IMMP2L: variants seen among roughly 807,000 people sequenced by gnomAD.
IMMP2L encodes the protein mitochondrial inner membrane protease subunit 2.
In IMMP2L, 18 loss-of-function variants were observed where a neutral mutation model predicts 19.3. The ratio of observed to expected loss-of-function variants is 0.93; its 90% confidence interval spans 0.64 to 1.38. IMMP2L has a LOEUF of 1.38. Among genes scored for constraint, IMMP2L ranks in the 40% most tolerant of loss-of-function variants. The pLI is 0.00. For synonymous variants in IMMP2L, 76 were observed against 73.0 expected, an observed-to-expected ratio of 1.04 and a Z score of -0.21; for missense variants, 233 against 218.2, an observed-to-expected ratio of 1.07 and a Z score of -0.43.
chr7:111,560,458 A>G (rs1249415110), intron 1 of IMMP2L, among the ~76,000 whole-genome samples: 1 of 152,200 alleles, frequency 6.6e-6, no homozygotes, highest in Non-Finnish European at 1.5e-5. Context: ...TCTAATTATT[A>G]TACTCGTACA....
At chr7:111,087,456 G>GAAAAAAAA (rs76131476) in intron 3 of IMMP2L, among the ~76,000 whole-genome samples, 3 of 77,976 alleles carry the variant, frequency 3.8e-5, no homozygotes, top group African/African-American at 4.4e-5. Flanking sequence ...CTTAAAAAAA[G>GAAAAAAAA]AAAAAAAAAA....
chr7:111,443,040 G>C (rs2131810258), intron 3 of IMMP2L, among the ~76,000 whole-genome samples: 1 of 151,974 alleles, frequency 6.6e-6, no homozygotes, highest in South Asian at 2.1e-4. Flanking sequence ...TTTTTCATTT[G>C]AGTTTTTCTT....
At chr7:111,328,938 C>T (rs113951433) in intron 3 of IMMP2L, among the ~76,000 whole-genome samples, 2 of 151,428 alleles carry the variant, frequency 1.3e-5, no homozygotes, top group African/African-American at 4.8e-5. Context: ...CCATTAATAA[C>T]ACAGAGAAAA....
chr7:111,081,695 G>T (rs541639864), intron 3 of IMMP2L, among the ~76,000 whole-genome samples: 1 of 152,278 alleles, frequency 6.6e-6, no homozygotes, highest in East Asian at 1.9e-4. Context: ...TCTCTCGTTT[G>T]CTGAAAGGAT....
intron 4 of IMMP2L, among the ~76,000 whole-genome samples, chr7:110,944,472 C>CGTGT (rs994968401): frequency 6.6e-6 from 1 of 151,016 alleles, no homozygotes; most frequent in African/African-American, 2.4e-5. Context: ...TGCGCGCGCA[C>CGTGT]GTGTGTGTGT....
intron 2 of IMMP2L, among the ~76,000 whole-genome samples, chr7:111,508,677 A>T (rs909124666): frequency 1.3e-5 from 2 of 152,138 alleles, no homozygotes; most frequent in East Asian, 3.9e-4. Context: ...AGTATGCAAA[A>T]AATGTTAAAG....
chr7:110,794,419 C>G (rs1012797250), intron 5 of IMMP2L, among the ~76,000 whole-genome samples: 1 of 151,998 alleles, frequency 6.6e-6, no homozygotes, highest in Admixed American at 6.6e-5. Flanking sequence ...CTGTATGATT[C>G]CAACTATATG....
At chr7:111,187,572 T>C (rs957939683) in intron 3 of IMMP2L, among the ~76,000 whole-genome samples, 1 of 152,180 alleles carries the variant, frequency 6.6e-6, no homozygotes. Context: ...CAGAATACTA[T>C]GCTTAGCACA....
chr7:111,268,866 T>C (rs1818138874), intron 3 of IMMP2L, among the ~76,000 whole-genome samples: 1 of 151,986 alleles, frequency 6.6e-6, no homozygotes, highest in South Asian at 2.1e-4. Flanking sequence ...TTCCAATACC[T>C]GGGATTACAG....
At chr7:111,180,809 T>C (rs369886075) in intron 3 of IMMP2L, among the ~76,000 whole-genome samples, 7 of 152,074 alleles carry the variant, frequency 4.6e-5, no homozygotes, top group Admixed American at 4.6e-4. Context: ...TTATGGAATA[T>C]GTGTTTCATT....
chr7:111,487,360 G>A lies in IMMP2L; in HGVS notation c.136-19C>T, dbSNP rs973375388. 1.5e-6 allele frequency: 2 copies of A among 1,337,366 alleles called. No individual in the cohort carries two copies. Among genetic ancestry groups the A allele is most frequent in the African/African-American group, 2.9e-5 (2 of 69,594 alleles). The allele number at this position is 1,337,366 out of a possible 1,614,324, so 82.8% of individuals were successfully genotyped here. ...AAGAAGGCTAGAAAATAAGGAGAAA[G>A]AGACACTTCTATCATTTGTATTTTT... On this transcript the variant is annotated intron_variant, in intron 2 of 5. Transcript: ENST00000405709.
At chr7:111,121,979 C>CA (rs1230947154) in intron 3 of IMMP2L, among the ~76,000 whole-genome samples, 2 of 149,270 alleles carry the variant, frequency 1.3e-5, no homozygotes, top group Non-Finnish European at 3.0e-5. Context: ...ATCGCAAGGA[C>CA]AAAAAAACCA....
intron 5 of IMMP2L, among the ~76,000 whole-genome samples, chr7:110,694,642 GGAGA>G (rs983729177): frequency 7.3e-5 from 11 of 151,690 alleles, no homozygotes; most frequent in Non-Finnish European, 1.0e-4. Flanking sequence ...AGAAAGAGGA[GGAGA>G]GAGAGAGAGA....
At chr7:111,090,726 C>A (rs1293691861) in intron 3 of IMMP2L, among the ~76,000 whole-genome samples, 1 of 151,986 alleles carries the variant, frequency 6.6e-6, no homozygotes, top group Non-Finnish European at 1.5e-5. Flanking sequence ...TTAAATAATG[C>A]AGTCATTGCT....
rs184549800 is a variant in IMMP2L at position 111,284,902 on chromosome 7, C to G, written c.239+202336G>C. ...GGAGAAAGTAGAACAAAATGCAGAT[C>G]TGGCCACCTAGGAGCTCAAATCTAA... On this transcript the variant is annotated intron_variant, in intron 3 of 5. Transcript: ENST00000405709. Among the ~76,000 whole-genome samples the G allele has an allele frequency of 2.3e-3, 346 of 152,254 alleles. 3 individuals carry two copies. Among genetic ancestry groups the G allele is most frequent in the Admixed American group, 4.9e-3 (75 of 15,286 alleles).
chr7:111,485,389 G>A (rs1412782703), intron 3 of IMMP2L, among the ~76,000 whole-genome samples: 1 of 151,878 alleles, frequency 6.6e-6, no homozygotes, highest in Non-Finnish European at 1.5e-5. Context: ...TATGAGGTCA[G>A]GAGATCAAGA....
intron 3 of IMMP2L, among the ~76,000 whole-genome samples, chr7:111,264,126 T>G (rs1161554268): frequency 6.6e-6 from 1 of 152,144 alleles, no homozygotes; most frequent in Non-Finnish European, 1.5e-5. Flanking sequence ...TTCTAACTAA[T>G]GAAGTGTTAA....
intron 3 of IMMP2L, chr7:111,122,963 C>A: frequency 6.2e-7 from 1 of 1,614,006 alleles, no homozygotes; most frequent in Non-Finnish European, 8.5e-7. Flanking sequence ...TTAACTTTCC[C>A]AGCCAGATTG....
intron 3 of IMMP2L, among the ~76,000 whole-genome samples, chr7:110,980,190 C>T (rs925775604): frequency 6.0e-5 from 9 of 148,924 alleles, no homozygotes; most frequent in African/African-American, 2.2e-4. Flanking sequence ...AACTCTAATC[C>T]CATTAACTGG....
Sources: gnomAD v4.1 joint callset for allele counts (sites outside exome capture counted in the v4.1 genomes callset) on GRCh38, gnomAD v4.1.1 for gene constraint, MANE v1.5 for transcripts, NCBI Gene and HGNC (gene_info 2026-07-23, HGNC 2026-07-21) for gene names.